Variants in CDH4 observed in about 807,000 individuals in gnomAD.
CDH4 encodes cadherin-4.
Under a neutral mutation model 86.0 loss-of-function variants are expected in CDH4, and 33 were observed. That is an observed-to-expected ratio of 0.38 (90% CI 0.29 to 0.51). The LOEUF (loss-of-function observed/expected upper bound fraction) is 0.51, where lower values mean the gene tolerates loss of function less well. CDH4 is among the 20% of genes least tolerant of loss of function. The probability of loss-of-function intolerance (pLI) is 0.86; values close to 1 mark genes in which losing one functional copy is unlikely to be tolerated. For missense variants in CDH4, 1,114 were observed against 1,307.4 expected (o/e 0.85, Z 2.28); for synonymous variants, 555 against 549.4 (o/e 1.01, Z -0.14).
chr20:61,810,536 C>G lies in CDH4; in HGVS notation c.577-34132C>G, dbSNP rs1980379126. ...TACGGGAACCAGAATCAGGGAGCCA[C>G]AGGCACACAGGAAGCCCGAGAGAGC... On this transcript the variant is annotated intron_variant, in intron 4 of 15. Coordinates refer to ENST00000614565, the MANE Select transcript of CDH4 (RefSeq NM_001794.5). This position sits in a 1 kb window ranked among gnomAD's most constrained non-coding sequence, Gnocchi z 4.3. 6.6e-6 allele frequency among the ~76,000 whole-genome samples: 1 copy of G among 152,198 alleles called. No homozygotes were observed. Among genetic ancestry groups the G allele is most frequent in the Non-Finnish European group, 1.5e-5 (1 of 68,030 alleles).
intron 2 of CDH4, among the ~76,000 whole-genome samples, chr20:61,366,086 G>A (rs1031727214): frequency 6.6e-6 from 1 of 152,210 alleles, no homozygotes; most frequent in Non-Finnish European, 1.5e-5. Context: ...TGGCCGGCCA[G>A]CCGCAGTCAG....
chr20:61,258,339 A>AAAAAAAAAAAAAAG (rs1555830539), intron 2 of CDH4, among the ~76,000 whole-genome samples: 5 of 139,214 alleles, frequency 3.6e-5, no homozygotes, highest in Admixed American at 2.1e-4. Context: ...CAAAAAAAAA[A>AAAAAAAAAAAAAAG]AAAAAAGAAA....
In CDH4 at chr20:61,269,017, T is replaced by C. The variant is rs574281980; in HGVS notation, c.169+14080T>C. On this transcript the variant is annotated intron_variant, in intron 2 of 15. Transcript: ENST00000614565. This position sits in a 1 kb window ranked among gnomAD's most constrained non-coding sequence, Gnocchi z 5.3. ...TGATGAGGAGTGTTGCGCAGACACC[T>C]TGGGTGAGCATCAGAACCCCATGGA... 6.6e-6 allele frequency among the ~76,000 whole-genome samples: 1 copy of C among 152,304 alleles called. No homozygotes were observed. Among genetic ancestry groups the C allele is most frequent in the South Asian group, 2.1e-4 (1 of 4,826 alleles).
In CDH4 at chr20:61,848,831, G is replaced by A. The variant is rs147777001; in HGVS notation, c.733-3923G>A. Among the ~76,000 whole-genome samples the A allele has an allele frequency of 2.4e-3, 372 of 152,168 alleles. 2 individuals carry two copies. Among genetic ancestry groups the A allele is most frequent in the Middle Eastern group, 0.01 (3 of 288 alleles). The stretch of plus-strand genomic sequence containing the variant: ...GTGTAAACCACTGCACCGAGCCCAC[G>A]TTCCTGTCTATTTCCTGCCCCAGCC... On this transcript the variant is annotated intron_variant, in intron 5 of 15. Coordinates refer to ENST00000614565, the MANE Select transcript of CDH4 (RefSeq NM_001794.5).
chr20:61,638,371 C>T (rs962611789), intron 2 of CDH4, among the ~76,000 whole-genome samples: 8 of 152,092 alleles, frequency 5.3e-5, no homozygotes, highest in East Asian at 1.9e-4. Context: ...TCCTGGCAAA[C>T]GGGAACCCCT....
chr20:61,590,013 G>C (rs2086506599), intron 2 of CDH4, among the ~76,000 whole-genome samples: 1 of 151,946 alleles, frequency 6.6e-6, no homozygotes, highest in South Asian at 2.1e-4. Context: ...CTCAGGCAGG[G>C]TGAGCACACA....
At chr20:61,437,973 C>T (rs946875302) in intron 2 of CDH4, among the ~76,000 whole-genome samples, 7 of 152,182 alleles carry the variant, frequency 4.6e-5, no homozygotes, top group African/African-American at 1.4e-4. Flanking sequence ...TCCATCAGAA[C>T]CACTCAGCTC....
At chr20:61,565,228 T>TGGA (rs2086269523) in intron 2 of CDH4, among the ~76,000 whole-genome samples, 1 of 29,258 alleles carries the variant, frequency 3.4e-5, no homozygotes, top group Non-Finnish European at 7.6e-5. Flanking sequence ...TGGTAGGTGG[T>TGGA]GGTGGTGGTG....
intron 7 of CDH4, among the ~76,000 whole-genome samples, chr20:61,885,734 T>C (rs1642579506): frequency 6.6e-6 from 1 of 152,160 alleles, no homozygotes; most frequent in Non-Finnish European, 1.5e-5. Flanking sequence ...CACTCCCTCC[T>C]CCCACAGCAT....
At chr20:61,418,206 T>C (rs1456233864) in intron 2 of CDH4, among the ~76,000 whole-genome samples, 1 of 122,162 alleles carries the variant, frequency 8.2e-6, no homozygotes, top group African/African-American at 3.9e-5. Flanking sequence ...TTTTCTTTTT[T>C]TTCTTTTTTT....
intron 2 of CDH4, among the ~76,000 whole-genome samples, chr20:61,622,497 A>T (rs2086786797): frequency 6.6e-6 from 1 of 152,278 alleles, no homozygotes; most frequent in South Asian, 2.1e-4. Context: ...CGAGGACCAG[A>T]CACTTGTGGC....
chr20:61,428,342 C>T (rs1267143103), intron 2 of CDH4, among the ~76,000 whole-genome samples: 4 of 152,194 alleles, frequency 2.6e-5, no homozygotes, highest in South Asian at 4.1e-4. Context: ...AGAAATTCTA[C>T]TCATGGATGT....
rs979564963 is a variant in CDH4, at chr20:61,676,673, C to G, written c.170-66890C>G. On this transcript the variant is annotated intron_variant, in intron 2 of 15. Transcript: ENST00000614565. The surrounding 1 kb of genome is among the most constrained non-coding windows in gnomAD (Gnocchi z 4.5). ...CATGCCCTCAACAAACAAACTCAATCCCACACACCCCCAGGAGCCTATGGA... is the reference window on the plus strand; with the variant it reads ...CATGCCCTCAACAAACAAACTCAATGCCACACACCCCCAGGAGCCTATGGA... Among the ~76,000 whole-genome samples, 1 of 152,196 alleles carries G rather than the reference C, an allele frequency of 6.6e-6. No homozygotes were observed. Among genetic ancestry groups the G allele is most frequent in the Non-Finnish European group, 1.5e-5 (1 of 68,042 alleles).
chr20:61,395,070 T>C (rs2085009298), intron 2 of CDH4, among the ~76,000 whole-genome samples: 2 of 151,186 alleles, frequency 1.3e-5, no homozygotes, highest in Non-Finnish European at 2.9e-5. Flanking sequence ...ACTCTCCTCC[T>C]GGGAGGACAG....
At chr20:61,303,123 C>T (rs11906360) in intron 2 of CDH4, among the ~76,000 whole-genome samples, 65 of 152,316 alleles carry the variant, frequency 4.3e-4, no homozygotes, top group African/African-American at 1.3e-3. Flanking sequence ...GGTGACGTTA[C>T]GGCCACAGTA....
At chr20:61,396,966 A>G (rs574787789) in intron 2 of CDH4, among the ~76,000 whole-genome samples, 118 of 152,296 alleles carry the variant, frequency 7.7e-4, no homozygotes, top group African/African-American at 2.8e-3. Flanking sequence ...GCTGGAGTGC[A>G]GTGACATAAT....
chr20:61,571,892 C>T (rs2086344847), intron 2 of CDH4, among the ~76,000 whole-genome samples: 2 of 151,982 alleles, frequency 1.3e-5, no homozygotes, highest in Admixed American at 1.3e-4. Flanking sequence ...CCTACCTCGG[C>T]TCTGTGCAGT....
intron 2 of CDH4, chr20:61,718,572 C>T (rs2087991624): frequency 5.8e-6 from 2 of 345,012 alleles, no homozygotes; most frequent in Non-Finnish European, 1.1e-5. Context: ...CCAAGCACCA[C>T]CTGCACAGGC....
Position 61,844,734 on chromosome 20 carries a change from C to G in CDH4, c.643C>G (p.Pro215Ala). 2 of 1,613,954 alleles carry G rather than the reference C, an allele frequency of 1.2e-6. No homozygotes were observed. Among genetic ancestry groups the G allele is most frequent in the Non-Finnish European group, 1.7e-6 (2 of 1,179,872 alleles). ...CATCACGGGAGTGGGCGCCGACCAG[C>G]CCCCCATGGAGGTCTTCAGCATTGA... ...YSITGVGADQ[P>A]PMEVFSIDSM... Residue 215 changes from proline to alanine, a missense_variant, in exon 5 of 16, where the codon CCC (proline) becomes GCC (alanine). Coordinates refer to ENST00000614565, the MANE Select transcript of CDH4 (RefSeq NM_001794.5).
Sources: allele counts gnomAD v4.1 joint callset (sites outside exome capture counted in the v4.1 genomes callset), GRCh38; gene constraint gnomAD v4.1.1; non-coding constraint Gnocchi (gnomAD v3.1); transcripts MANE v1.5; gene names NCBI Gene and HGNC (gene_info 2026-07-23, HGNC 2026-07-21).